Variants in MYO16 observed in about 807,000 individuals in gnomAD.
MYO16 encodes the protein unconventional myosin-XVI.
In MYO16, 94 loss-of-function variants were observed where a neutral mutation model predicts 205.3. The ratio of observed to expected loss-of-function variants is 0.46; its 90% CI spans 0.39 to 0.54. The LOEUF (loss-of-function observed/expected upper bound fraction) is 0.54. MYO16 is among the 20% of genes least tolerant of loss of function. The probability of loss-of-function intolerance (pLI) is 0.00; values close to 1 mark genes in which losing one functional copy is unlikely to be tolerated. For synonymous variants in MYO16, 988 were observed against 954.0 expected (o/e 1.04, Z -0.66); for missense variants, 2,315 against 2,387.5 (o/e 0.97, Z 0.63).
At position 108,820,302 on chromosome 13, in the gene MYO16, G is replaced by A. The variant is rs779432365; in HGVS notation, c.868-35G>A. 3 of 1,478,672 alleles carry A rather than the reference G, an allele frequency of 2.0e-6. No individual in the cohort carries two copies. The African/African-American group carries it at 4.2e-5, about 21-fold the overall frequency. The allele number at this position is 1,478,672 out of a possible 1,614,324, so 91.6% of individuals were successfully genotyped here. The stretch of plus-strand genomic sequence containing the variant: ...ACTGATGTATCCTAGCTTCTGCCAT[G>A]GTGGTTCCCATTTCAATTATCTTTA... On this transcript the variant is annotated intron_variant, in intron 7 of 34. Transcript: ENST00000457511.
intron 1 of MYO16, among the ~76,000 whole-genome samples, chr13:108,638,500 T>G (rs1266624313): frequency 1.3e-5 from 2 of 152,130 alleles, no homozygotes; most frequent in East Asian, 3.9e-4. Context: ...CATCAAACTC[T>G]CTTTTTGGTT....
At chr13:109,073,610 G>A (rs1255536500) in intron 27 of MYO16, among the ~76,000 whole-genome samples, 1 of 152,146 alleles carries the variant, frequency 6.6e-6, no homozygotes, top group Non-Finnish European at 1.5e-5. Context: ...GAAATAGGGT[G>A]ATTTGGTGTG....
intron 28 of MYO16, among the ~76,000 whole-genome samples, chr13:109,113,498 A>T (rs950381552): frequency 1.3e-5 from 2 of 152,230 alleles, no homozygotes; most frequent in African/African-American, 4.8e-5. Flanking sequence ...AATGAGATTG[A>T]TATTTAGAAA....
At chr13:108,864,911 CAT>C (rs1878630130) in intron 11 of MYO16, among the ~76,000 whole-genome samples, 1 of 152,122 alleles carries the variant, frequency 6.6e-6, no homozygotes, top group South Asian at 2.1e-4. Flanking sequence ...CATCACCTCA[CAT>C]AGTTATCTTT....
At position 108,843,405 on chromosome 13, in the gene MYO16, T is replaced by C. The variant is rs1436519576; in HGVS notation, c.1098-938T>C. The stretch of plus-strand genomic sequence containing the variant: ...AGTATTCTATACATTGCTGGTTATT[T>C]TGCCTATGCAACTATGTATATCAGT... On this transcript the variant is annotated intron_variant, in intron 9 of 34. Coordinates refer to ENST00000457511, the MANE Select transcript of MYO16 (RefSeq NM_001198950.3). Among the ~76,000 whole-genome samples the C allele has an allele frequency of 3.3e-5, 5 of 152,228 alleles. No homozygotes were observed. The South Asian group carries it at 6.2e-4, about 19-fold the overall frequency.
intron 29 of MYO16, among the ~76,000 whole-genome samples, chr13:109,124,357 A>T (rs1043473564): frequency 2.2e-4 from 34 of 152,166 alleles, no homozygotes; most frequent in African/African-American, 8.2e-4. Context: ...GTTGACCTGG[A>T]GGAACTTTCT....
At position 109,140,323 on chromosome 13, in the gene MYO16, C is replaced by T; in HGVS notation, c.4111C>T (p.Arg1371Ter). The change falls in exon 32 of 35, where the codon CGA (arginine) becomes TGA (stop). Residue 1371 changes from arginine (R) to a stop codon, truncating the protein, a stop_gained. Coordinates refer to ENST00000457511, the MANE Select transcript of MYO16 (RefSeq NM_001198950.3). LOFTEE classifies it high-confidence loss of function. The surrounding 1 kb of genome is among the most constrained non-coding windows in gnomAD (Gnocchi z 8.0). Reference sequence around the variant, plus strand: ...CAGCACCATGAAGAAGATTCCTCCTCGAAAGCCCAAGCGCAGCCCCAACAC... The same window carrying T: ...CAGCACCATGAAGAAGATTCCTCCTTGAAAGCCCAAGCGCAGCCCCAACAC... ...DYSTMKKIPP[R>*]KPKRSPNTKL... is the part of the protein sequence containing the mutation. The T allele has an allele frequency of 6.2e-7, 1 of 1,602,910 alleles. No homozygotes were observed. Among genetic ancestry groups the T allele is most frequent in the South Asian group, 1.1e-5 (1 of 91,076 alleles).
rs572915392 is a variant in MYO16, at chr13:108,932,799, G to C, written c.1925+22649G>C. 2.1e-4 allele frequency among the ~76,000 whole-genome samples: 32 copies of C among 152,198 alleles called. No individual in the cohort carries two copies. The South Asian group carries it at 6.7e-3, about 32-fold the overall frequency. On this transcript the variant is annotated intron_variant, in intron 16 of 34. Coordinates refer to ENST00000457511, the MANE Select transcript of MYO16 (RefSeq NM_001198950.3). ...CAATAATGTGCCCCCTTTCCGCACT[G>C]GTCCTTTGAAGCAGAACCTCTTGAT...
intron 5 of MYO16, among the ~76,000 whole-genome samples, chr13:108,791,663 G>A (rs1886619916): frequency 6.6e-6 from 1 of 152,208 alleles, no homozygotes; most frequent in African/African-American, 2.4e-5. Context: ...GCTCGGAGAA[G>A]GAGCTGTGGC....
the MYO16 span, among the ~76,000 whole-genome samples, chr13:108,588,425 G>A: frequency 1.3e-5 from 2 of 152,052 alleles, no homozygotes; most frequent in Non-Finnish European, 2.9e-5. Flanking sequence ...ATAAAACATC[G>A]TTTCCTCTGC....
chr13:108,682,757 G>A (rs1248429257), intron 2 of MYO16, among the ~76,000 whole-genome samples: 8 of 152,032 alleles, frequency 5.3e-5, no homozygotes, highest in Admixed American at 4.6e-4. Context: ...TTATCACAAG[G>A]GACAGTAAGA....
intron 12 of MYO16, among the ~76,000 whole-genome samples, chr13:108,881,178 G>C (rs192314888): frequency 9.9e-5 from 15 of 152,238 alleles, no homozygotes; most frequent in Middle Eastern, 3.4e-3. Flanking sequence ...AGGCAAACAG[G>C]GTCTGGAGTG....
chr13:108,849,162 G>A (rs575328654), intron 10 of MYO16, among the ~76,000 whole-genome samples: 18 of 149,234 alleles, frequency 1.2e-4, no homozygotes, highest in Non-Finnish European at 4.5e-5. Context: ...CGGTCAACAC[G>A]AAGTTTTTTT....
intron 2 of MYO16, among the ~76,000 whole-genome samples, chr13:108,692,490 T>G (rs937511075): frequency 5.3e-5 from 8 of 152,310 alleles, no homozygotes; most frequent in South Asian, 2.1e-4. Flanking sequence ...CTCTGACAGA[T>G]AGATTGCTCC....
chr13:109,131,636 G>A (rs1876546573), intron 31 of MYO16, among the ~76,000 whole-genome samples: 1 of 152,132 alleles, frequency 6.6e-6, no homozygotes, highest in African/African-American at 2.4e-5. Context: ...AAAGTACTAT[G>A]TTTTTGTTAG....
intron 16 of MYO16, among the ~76,000 whole-genome samples, chr13:108,950,891 AT>A (rs1413903019): frequency 2.0e-5 from 3 of 152,224 alleles, no homozygotes; most frequent in African/African-American, 4.8e-5. Context: ...CGTACACAGC[AT>A]GAATCCACAG....
At chr13:109,158,729 T>TA (rs67969350) in intron 32 of MYO16, among the ~76,000 whole-genome samples, 3 of 152,042 alleles carry the variant, frequency 2.0e-5, no homozygotes, top group Non-Finnish European at 4.4e-5. Flanking sequence ...TGAGCTTTTT[T>TA]AAAAAAATAA....
chr13:109,180,979 C>T (rs1025434523), intron 34 of MYO16, among the ~76,000 whole-genome samples: 3 of 152,220 alleles, frequency 2.0e-5, no homozygotes, highest in Admixed American at 6.5e-5. Context: ...AGGCCTGCCC[C>T]CTGTACATTA....
At chr13:109,178,067 T>C (rs1005356991) in intron 33 of MYO16, among the ~76,000 whole-genome samples, 4 of 152,334 alleles carry the variant, frequency 2.6e-5, no homozygotes, top group South Asian at 2.1e-4. Context: ...ACATTTTTTT[T>C]CCAACTATCT....
Sources: allele counts gnomAD v4.1 joint callset (sites outside exome capture counted in the v4.1 genomes callset), GRCh38; gene constraint gnomAD v4.1.1; non-coding constraint Gnocchi (gnomAD v3.1); transcripts MANE v1.5; gene names NCBI Gene and HGNC (gene_info 2026-07-23, HGNC 2026-07-21).